The following LAMA3 variants were observed in gnomAD, a reference collection of about 807,000 sequenced individuals.
LAMA3 encodes laminin subunit alpha 3.
In LAMA3, 281 loss-of-function variants were observed where a neutral mutation model predicts 402.0. The observed-to-expected ratio is 0.70, with a 90% CI of 0.63 to 0.77. The LOEUF is 0.77. LAMA3 is among the 30% of genes least tolerant of loss of function. The probability of loss-of-function intolerance (pLI) is 0.00; values close to 1 mark genes in which losing one functional copy is unlikely to be tolerated. For synonymous variants in LAMA3, 1,431 were observed against 1,558.4 expected (o/e 0.92, Z 1.93); for missense variants, 3,840 against 4,215.5 (o/e 0.91, Z 2.47).
Position 23,949,829 on chromosome 18 carries a change from A to C in LAMA3, c.9416A>C (p.Tyr3139Ser), listed in dbSNP as rs1355771416. 6.2e-7 allele frequency: 1 copy of C among 1,614,016 alleles called. No homozygotes were observed. The highest frequency in any genetic ancestry group is 1.1e-5 in the South Asian group (1 of 91,062). Residue 3139 changes from tyrosine (Y) to serine (S), a missense_variant, in exon 71 of 75, where the codon TAT (tyrosine) becomes TCT (serine). Physicochemically the swap from Tyr to Ser is moderately radical, Grantham distance 144 (BLOSUM62 -2). Transcript: ENST00000313654. ...KNFQLDSKPLYTPSSSFGVSS... is the reference protein window; with the variant it reads ...KNFQLDSKPLSTPSSSFGVSS... Reference sequence around the variant, plus strand: ...TTTCAGCTGGATTCAAAACCCTTGTATACCCCTTCTTCAAGCTTCGGGGTG... The same window carrying C: ...TTTCAGCTGGATTCAAAACCCTTGTCTACCCCTTCTTCAAGCTTCGGGGTG...
At chr18:23,893,460 G>C (rs1381431444) in intron 42 of LAMA3, among the ~76,000 whole-genome samples, 2 of 152,144 alleles carry the variant, frequency 1.3e-5, no homozygotes, top group African/African-American at 4.8e-5. Flanking sequence ...GTGCGCGCCT[G>C]TAGTCCCAGC....
rs66582854 is a variant in LAMA3 at position 23,750,432 on chromosome 18, G to GT, written c.685-451dup. ...TAAAACAAAATGGAGGGTTTACACA[G>GT]TTTTTTTTTTTTTTTTTTTTTTTTT... On this transcript the variant is annotated intron_variant, in intron 4 of 74. Transcript: ENST00000313654. 3.9e-3 allele frequency among the ~76,000 whole-genome samples: 129 copies of GT among 33,028 alleles called. 12 individuals are homozygous for GT. Among genetic ancestry groups the GT allele is most frequent in the Non-Finnish European group, 5.6e-3 (112 of 19,864 alleles). 21.7% of individuals were successfully genotyped at this position (33,028 alleles called of 152,430 possible).
chr18:23,953,372 C>T (rs1370752179), intron 74 of LAMA3, among the ~76,000 whole-genome samples: 1 of 138,640 alleles, frequency 7.2e-6, no homozygotes, highest in Non-Finnish European at 1.5e-5. Context: ...GATGGAGTCT[C>T]ACTCTGTTGC....
chr18:23,773,635 C>T (rs776082626), intron 9 of LAMA3, 48 bp downstream of exon 9: 3 of 1,204,592 alleles, frequency 2.5e-6, no homozygotes, highest in Admixed American at 2.0e-5. Context: ...TGTACTGCCT[C>T]AGCGAAGTCA....
intron 13 of LAMA3, among the ~76,000 whole-genome samples, chr18:23,811,468 G>A (rs2063067509): frequency 6.6e-6 from 1 of 152,160 alleles, no homozygotes; most frequent in Non-Finnish European, 1.5e-5. Flanking sequence ...AGTCAGAGGT[G>A]GGTGCTTGCC....
In LAMA3 at chr18:23,846,387, C is replaced by CA. The variant is rs1233584700; in HGVS notation, c.3811dup (p.Thr1271AsnfsTer11). On this transcript the variant is annotated frameshift_variant, in exon 31 of 75. Coordinates refer to ENST00000313654, the MANE Select transcript of LAMA3 (RefSeq NM_198129.4). LOFTEE classifies it high-confidence loss of function. The stretch of plus-strand genomic sequence containing the variant: ...GCGCCCTGCCTTGTGAGTGCCACCC[C>CA]ACTGGGGCCACCGGCCCTCACTGCA... The CA allele has an allele frequency of 6.2e-7, 1 of 1,614,022 alleles. No homozygotes were observed. Among genetic ancestry groups the CA allele is most frequent in the African/African-American group, 1.3e-5 (1 of 74,954 alleles).
chr18:23,700,271 C>T (rs1168620420), intron 1 of LAMA3, among the ~76,000 whole-genome samples: 1 of 152,098 alleles, frequency 6.6e-6, no homozygotes. Flanking sequence ...GATCCAAGAA[C>T]CCTCTTGGAG....
intron 70 of LAMA3, among the ~76,000 whole-genome samples, chr18:23,948,761 G>T (rs986357628): frequency 6.6e-6 from 1 of 151,940 alleles, no homozygotes; most frequent in Admixed American, 6.6e-5. Flanking sequence ...GTAGAGACGG[G>T]GTTTCACCAT....
intron 46 of LAMA3, 38 bp from the exon 47 acceptor site, chr18:23,899,250 A>T: frequency 1.3e-6 from 2 of 1,587,744 alleles, no homozygotes; most frequent in Non-Finnish European, 1.7e-6. Flanking sequence ...ACTGGAGCCC[A>T]GAATTCCCAG....
chr18:23,826,595 G>T (rs766986927), intron 21 of LAMA3, 107 bp from the exon 22 acceptor site: 33 of 844,180 alleles, frequency 3.9e-5, no homozygotes, highest in African/African-American at 6.7e-5. Context: ...TTTAACTAGC[G>T]ACTTCACCTG....
chr18:23,790,262 G>A (rs1262419620), intron 12 of LAMA3, among the ~76,000 whole-genome samples: 4 of 152,198 alleles, frequency 2.6e-5, no homozygotes, highest in African/African-American at 9.6e-5. Context: ...TTAGTGGATA[G>A]AGAAATCAAT....
chr18:23,942,343 C>A (rs1192045124), intron 68 of LAMA3, among the ~76,000 whole-genome samples: 1 of 152,168 alleles, frequency 6.6e-6, no homozygotes, highest in Admixed American at 6.5e-5. Flanking sequence ...TCACGCACAC[C>A]TTTATGCATC....
At chr18:23,873,317 A>C in intron 38 of LAMA3, 1 of 1,047,972 alleles carries the variant, frequency 9.5e-7, no homozygotes, top group Non-Finnish European at 1.5e-6. Flanking sequence ...GGGTGGACTG[A>C]GGAGGGGCTG....
intron 2 of LAMA3, among the ~76,000 whole-genome samples, chr18:23,736,725 G>A (rs1487560858): frequency 3.3e-5 from 5 of 152,136 alleles, no homozygotes; most frequent in Non-Finnish European, 7.4e-5. Context: ...TTGGGTTACA[G>A]GGAGCACAGA....
At chr18:23,847,332 A>T in intron 31 of LAMA3, 132 bp from the exon 32 acceptor site, 1 of 945,414 alleles carries the variant, frequency 1.1e-6, no homozygotes, top group South Asian at 1.4e-5. Flanking sequence ...ACTCCAAGAA[A>T]TGGGCCTTTC....
At chr18:23,908,867 T>G (rs1264045627) in intron 54 of LAMA3, among the ~76,000 whole-genome samples, 1 of 152,184 alleles carries the variant, frequency 6.6e-6, no homozygotes, top group African/African-American at 2.4e-5. Context: ...CCATATGAGA[T>G]TTCGTCATGC....
chr18:23,879,097 T>C lies in LAMA3; in HGVS notation c.5112+2690T>C, dbSNP rs1318863429. ...TTTCTTCATCTTCCTTCTTTTATTT[T>C]CTGCTACTTGAGCCCATCTTCCCCT... On this transcript the variant is annotated intron_variant, in intron 39 of 74. Transcript: ENST00000313654. This position sits in a 1 kb window ranked among gnomAD's most constrained non-coding sequence, Gnocchi z 4.2. Among the ~76,000 whole-genome samples, 1 of 152,170 alleles carries C rather than the reference T, an allele frequency of 6.6e-6. No homozygotes were observed. Among genetic ancestry groups the C allele is most frequent in the East Asian group, 1.9e-4 (1 of 5,198 alleles).
At chr18:23,906,556 G>A (rs1469996142) in intron 52 of LAMA3, among the ~76,000 whole-genome samples, 2 of 152,054 alleles carry the variant, frequency 1.3e-5, no homozygotes, top group Admixed American at 1.3e-4. Context: ...CCCTCATTCA[G>A]CCTCTTAGTC....
chr18:23,751,491 A>T (rs970667060), intron 5 of LAMA3, among the ~76,000 whole-genome samples: 1 of 152,158 alleles, frequency 6.6e-6, no homozygotes, highest in Non-Finnish European at 1.5e-5. Flanking sequence ...GGTTCTTTCT[A>T]TCCAGAGGTG....
Sources: gnomAD v4.1 joint callset for allele counts (sites outside exome capture counted in the v4.1 genomes callset) on GRCh38, gnomAD v4.1.1 for gene constraint, Gnocchi (gnomAD v3.1) non-coding constraint, MANE v1.5 for transcripts, NCBI Gene and HGNC (gene_info 2026-07-23, HGNC 2026-07-21) for gene names.